Variants in FUT8 observed in about 807,000 individuals in gnomAD.
The protein encoded by FUT8 is fucosyltransferase 8.
Under a neutral mutation model 71.3 loss-of-function variants are expected in FUT8, and 29 were observed. The ratio of observed to expected loss-of-function variants is 0.41; its 90% CI spans 0.30 to 0.55. The LOEUF (loss-of-function observed/expected upper bound fraction) is 0.55, where lower values mean the gene tolerates loss of function less well. FUT8 is among the 20% of genes least tolerant of loss of function. FUT8 has a pLI of 0.34. For missense variants in FUT8, 544 were observed against 702.1 expected (o/e 0.77, Z 2.55); for synonymous variants, 254 against 239.3 (o/e 1.06, Z -0.57).
At position 65,742,605 on chromosome 14, in the gene FUT8, A is replaced by G. The variant is rs1896560004; in HGVS notation, c.*195A>G. On this transcript the variant is annotated 3_prime_UTR_variant, in exon 11 of 11. Transcript: ENST00000673929. ...GAATTCCTCTTTAACAAGGGCTGCA[A>G]TGCCCTCATACCCATGCACAGTACA... The G allele has an allele frequency of 5.1e-6, 3 of 585,092 alleles. No homozygotes were observed. The highest frequency in any genetic ancestry group is 2.1e-5 in the South Asian group (1 of 47,974). 36.2% of individuals were successfully genotyped at this position (585,092 alleles called of 1,614,324 possible).
At chr14:65,604,950 T>C (rs932605959) in intron 3 of FUT8, among the ~76,000 whole-genome samples, 2 of 146,790 alleles carry the variant, frequency 1.4e-5, no homozygotes, top group African/African-American at 5.5e-5. Flanking sequence ...TTTATATCTT[T>C]TTAAAATTTG....
Position 65,582,453 on chromosome 14 carries a change from C to T in FUT8, c.203+20687C>T, listed in dbSNP as rs61187056. 9.5e-3 allele frequency among the ~76,000 whole-genome samples: 1,443 copies of T among 152,278 alleles called. 23 individuals are homozygous for T. The highest frequency in any genetic ancestry group is 0.033 in the African/African-American group (1,375 of 41,562). ...CCTTTATGCTGAACAACCCACTATG[C>T]TTCATGTCTGTGCCTTTACACATTT... On this transcript the variant is annotated intron_variant, in intron 3 of 10. Transcript: ENST00000673929.
At chr14:65,598,240 G>A (rs1160247413) in intron 3 of FUT8, among the ~76,000 whole-genome samples, 8 of 151,292 alleles carry the variant, frequency 5.3e-5, no homozygotes, top group African/African-American at 1.7e-4. Flanking sequence ...TTTTTTTTCC[G>A]AGACGGGAGT....
At chr14:65,376,421 T>C in the FUT8 span, among the ~76,000 whole-genome samples, 3 of 84,280 alleles carry the variant, frequency 3.6e-5, 1 homozygote, top group African/African-American at 1.1e-4. Flanking sequence ...GTTTTTGTTT[T>C]TGTTTTTGAG....
intron 3 of FUT8, among the ~76,000 whole-genome samples, chr14:65,569,561 T>C (rs1214319814): frequency 6.6e-6 from 1 of 151,930 alleles, no homozygotes; most frequent in Non-Finnish European, 1.5e-5. Flanking sequence ...TTCTTTTTGA[T>C]AATTTCAAAT....
At chr14:65,645,818 A>G (rs1891098892) in intron 6 of FUT8, 1 of 152,188 alleles carries the variant, frequency 6.6e-6, no homozygotes, top group Admixed American at 6.5e-5. Context: ...GAACCATGGG[A>G]CACATTCATA....
chr14:65,567,006 C>T (rs1886232087), intron 3 of FUT8, among the ~76,000 whole-genome samples: 1 of 151,898 alleles, frequency 6.6e-6, no homozygotes, highest in South Asian at 2.1e-4. Context: ...AGCAGTGAAC[C>T]TCAACCTGGT....
At chr14:65,463,275 T>C (rs1363533131) in intron 2 of FUT8, among the ~76,000 whole-genome samples, 5 of 152,208 alleles carry the variant, frequency 3.3e-5, no homozygotes, top group Non-Finnish European at 5.9e-5. Context: ...CTTTCTTTAT[T>C]AATTTTTTTG....
intron 10 of FUT8, among the ~76,000 whole-genome samples, chr14:65,734,932 C>T (rs1409009293): frequency 6.6e-6 from 1 of 152,094 alleles, no homozygotes; most frequent in Non-Finnish European, 1.5e-5. Flanking sequence ...GCATCCCTGG[C>T]CAGTAAGACC....
At chr14:65,399,907 TCTA>T in the FUT8 span, among the ~76,000 whole-genome samples, 1 of 152,238 alleles carries the variant, frequency 6.6e-6, no homozygotes, top group African/African-American at 2.4e-5. Flanking sequence ...TGTAATAAAA[TCTA>T]CTTTCTTCAT....
intron 2 of FUT8, among the ~76,000 whole-genome samples, chr14:65,548,726 GTATTA>G (rs1326071407): frequency 2.0e-5 from 3 of 151,834 alleles, no homozygotes; most frequent in African/African-American, 7.3e-5. Flanking sequence ...TCAGTATATT[GTATTA>G]TATTTAAAAA....
intron 2 of FUT8, among the ~76,000 whole-genome samples, chr14:65,477,031 C>T (rs1472686335): frequency 2.0e-5 from 3 of 152,108 alleles, no homozygotes; most frequent in Admixed American, 2.0e-4. Flanking sequence ...TTTTTCTCTA[C>T]TTAAATATAA....
intron 6 of FUT8, among the ~76,000 whole-genome samples, chr14:65,665,004 A>G (rs1169850585): frequency 6.6e-6 from 1 of 152,128 alleles, no homozygotes; most frequent in Non-Finnish European, 1.5e-5. Flanking sequence ...TTAGCTAAAC[A>G]TTTGCTGTCT....
chr14:65,563,364 TA>T (rs1886019147), intron 3 of FUT8, among the ~76,000 whole-genome samples: 1 of 152,088 alleles, frequency 6.6e-6, no homozygotes, highest in Non-Finnish European at 1.5e-5. Context: ...ACCATTTTTG[TA>T]ACCATTTTAC....
intron 2 of FUT8, among the ~76,000 whole-genome samples, chr14:65,506,650 G>A (rs542192990): frequency 6.3e-4 from 96 of 151,864 alleles, no homozygotes; most frequent in African/African-American, 2.1e-3. Flanking sequence ...TTTAATTTTC[G>A]CGGGTACATA....
In FUT8 at chr14:65,485,137, G is replaced by A. The variant is rs116181782; in HGVS notation, c.-228+29419G>A. Among the ~76,000 whole-genome samples, 1,067 of 151,890 alleles carry A rather than the reference G, an allele frequency of 7.0e-3. 12 individuals are homozygous for A. The highest frequency in any genetic ancestry group is 0.023 in the African/African-American group (966 of 41,428). ...GAATTGCTTGAGCCCAGGTATTCAG[G>A]ACTACCCTGGCCAACATAGTAATAC... On this transcript the variant is annotated intron_variant, in intron 2 of 10. Coordinates refer to ENST00000673929, the MANE Select transcript of FUT8 (RefSeq NM_001371533.1).
In FUT8 at chr14:65,643,202, A is replaced by C. The variant is rs1473731909; in HGVS notation, c.597+13596A>C. Among the ~76,000 whole-genome samples the C allele has an allele frequency of 6.6e-6, 1 of 152,212 alleles. No individual in the cohort carries two copies. Among genetic ancestry groups the C allele is most frequent in the African/African-American group, 2.4e-5 (1 of 41,454 alleles). ...TTTAATTCCTGAGAGTACACTCACT[A>C]AGCTGACAGCATTTTGACATTTTTC... is the stretch of plus-strand genomic sequence containing the variant. On this transcript the variant is annotated intron_variant, in intron 6 of 10. Transcript: ENST00000673929. This position sits in a 1 kb window ranked among gnomAD's most constrained non-coding sequence, Gnocchi z 4.5.
At chr14:65,470,642 G>A (rs1324166035) in intron 2 of FUT8, among the ~76,000 whole-genome samples, 1 of 152,162 alleles carries the variant, frequency 6.6e-6, no homozygotes, top group Non-Finnish European at 1.5e-5. Flanking sequence ...GGAGTGGCAG[G>A]CTCAGCAGTC....
At chr14:65,539,541 T>C (rs934961508) in intron 2 of FUT8, among the ~76,000 whole-genome samples, 5 of 152,226 alleles carry the variant, frequency 3.3e-5, no homozygotes, top group African/African-American at 1.2e-4. Context: ...TGTACGACTC[T>C]GGGCAAGTTA....
Sources: gnomAD v4.1 joint callset for allele counts (sites outside exome capture counted in the v4.1 genomes callset) on GRCh38, gnomAD v4.1.1 for gene constraint, Gnocchi (gnomAD v3.1) non-coding constraint, MANE v1.5 for transcripts, NCBI Gene and HGNC (gene_info 2026-07-23, HGNC 2026-07-21) for gene names.